APLF: variants seen among roughly 807,000 people sequenced by gnomAD.
APLF encodes the protein aprataxin and PNKP like factor.
APLF carries 61 observed loss-of-function variants against 55.6 expected under a neutral mutation model. That is an observed-to-expected ratio of 1.10 (90% CI 0.89 to 1.36). The LOEUF is 1.36. Among genes scored for constraint, APLF ranks in the 40% most tolerant of loss-of-function variants. APLF has a pLI of 0.00. For missense variants in APLF, 611 were observed against 602.5 expected (o/e 1.01, Z -0.15); for synonymous variants, 207 against 214.8 (o/e 0.96, Z 0.32).
At chr2:68,576,202 G>A (rs948087527) in intron 9 of APLF, among the ~76,000 whole-genome samples, 1 of 152,108 alleles carries the variant, frequency 6.6e-6, no homozygotes, top group African/African-American at 2.4e-5. Context: ...AAAGTTATGT[G>A]TATAAGGTAT....
At chr2:68,513,019 C>T in intron 3 of APLF, 61 bp from the exon 4 acceptor site, 3 of 1,478,664 alleles carry the variant, frequency 2.0e-6, no homozygotes, top group Non-Finnish European at 2.8e-6. Context: ...AGATGTAGTT[C>T]TAAGGCAGCA....
intron 6 of APLF, among the ~76,000 whole-genome samples, chr2:68,530,052 C>T (rs938320787): frequency 2.8e-4 from 42 of 152,222 alleles, no homozygotes; most frequent in Non-Finnish European, 2.9e-5. Context: ...CCTGACCTGA[C>T]TGGATGCACC....
At chr2:68,539,152 A>C (rs1017145809) in intron 7 of APLF, among the ~76,000 whole-genome samples, 1 of 152,224 alleles carries the variant, frequency 6.6e-6, no homozygotes, top group Non-Finnish European at 1.5e-5. Context: ...GCTTTTTGAA[A>C]CATTTTTGTA....
rs147530240 is a variant in APLF, at chr2:68,550,292, C to T, written c.1286+4980C>T. ...TCTTGTCTAGGCTGGGGTGCAGTGGCGCAATCTCGGCTCTCTGCAATCTCC... is the reference window on the plus strand; with the variant it reads ...TCTTGTCTAGGCTGGGGTGCAGTGGTGCAATCTCGGCTCTCTGCAATCTCC... On this transcript the variant is annotated intron_variant, in intron 8 of 9. Transcript: ENST00000303795. Among the ~76,000 whole-genome samples the T allele has an allele frequency of 1.2e-3, 190 of 152,132 alleles. 1 individual carries two copies. Among genetic ancestry groups the T allele is most frequent in the African/African-American group, 4.2e-3 (174 of 41,514 alleles).
intron 1 of APLF, among the ~76,000 whole-genome samples, chr2:68,482,892 G>A (rs953281356): frequency 2.6e-5 from 4 of 152,108 alleles, no homozygotes; most frequent in South Asian, 2.1e-4. Context: ...GTGCGTACCA[G>A]GGGTGGGCTG....
chr2:68,565,726 A>G (rs911006072), intron 8 of APLF, among the ~76,000 whole-genome samples: 4 of 152,134 alleles, frequency 2.6e-5, no homozygotes, highest in African/African-American at 9.7e-5. Context: ...TTTTTAAAGT[A>G]TAATTTTTAT....
chr2:68,559,114 T>G (rs1671097035), intron 8 of APLF, among the ~76,000 whole-genome samples: 1 of 152,178 alleles, frequency 6.6e-6, no homozygotes, highest in Non-Finnish European at 1.5e-5. Context: ...TAGCATGACT[T>G]TGCATCAGCT....
chr2:68,472,740 A>G (rs1005779990), intron 1 of APLF, among the ~76,000 whole-genome samples: 1 of 152,108 alleles, frequency 6.6e-6, no homozygotes, highest in African/African-American at 2.4e-5. Context: ...GCTCTAAGAT[A>G]TGGTGTGTTG....
In APLF at chr2:68,502,770, A is replaced by C; in HGVS notation, c.208A>C (p.Ser70Arg). The C allele has an allele frequency of 6.3e-7, 1 of 1,595,742 alleles. No homozygotes were observed. The highest frequency in any genetic ancestry group is 8.5e-7 in the Non-Finnish European group (1 of 1,174,252). The change falls in exon 3 of 10, where the codon AGT becomes CGT. Residue 70 changes from serine to arginine, a missense_variant. Ser to Arg is a moderately radical substitution (Grantham distance 110). Coordinates refer to ENST00000303795, the MANE Select transcript of APLF (RefSeq NM_173545.3). Reference protein sequence around the residue: ...NPCFYQSSEKSQLLPLKPNLW... With the variant: ...NPCFYQSSEKRQLLPLKPNLW... ...ATGTTTTTACCAGTCTTCAGAGAAG[A>C]GTCAGCTCTTACCATTGAAGCCAAA...
chr2:68,549,041 A>G (rs1670785578), intron 8 of APLF, among the ~76,000 whole-genome samples: 1 of 152,042 alleles, frequency 6.6e-6, no homozygotes, highest in Non-Finnish European at 1.5e-5. Flanking sequence ...AATATTATTC[A>G]ATATCCTGTC....
At chr2:68,487,366 A>G (rs1458230553) in intron 1 of APLF, among the ~76,000 whole-genome samples, 1 of 152,160 alleles carries the variant, frequency 6.6e-6, no homozygotes, top group African/African-American at 2.4e-5. Flanking sequence ...AAGAGCATGA[A>G]TGGTTCTGGA....
chr2:68,469,341 A>G (rs1014887798), intron 1 of APLF, among the ~76,000 whole-genome samples: 8 of 152,082 alleles, frequency 5.3e-5, no homozygotes, highest in Admixed American at 2.0e-4. Flanking sequence ...TAAAAGGTGG[A>G]TGAATTTTAG....
intron 1 of APLF, among the ~76,000 whole-genome samples, chr2:68,468,989 G>GGGGT (rs571326050): frequency 8.9e-5 from 13 of 146,662 alleles, no homozygotes; most frequent in East Asian, 6.0e-4. Flanking sequence ...GTCCTAAAGG[G>GGGGT]GTGTGTGTGT....
At chr2:68,532,100 A>AC (rs1298171411) in intron 6 of APLF, among the ~76,000 whole-genome samples, 2 of 152,062 alleles carry the variant, frequency 1.3e-5, no homozygotes, top group African/African-American at 4.8e-5. Flanking sequence ...GCCTTTCCAA[A>AC]CCCCACCCTC....
At chr2:68,472,747 G>A (rs1249553258) in intron 1 of APLF, among the ~76,000 whole-genome samples, 2 of 152,166 alleles carry the variant, frequency 1.3e-5, no homozygotes, top group African/African-American at 4.8e-5. Flanking sequence ...GATATGGTGT[G>A]TTGGATAATT....
chr2:68,513,296 C>A, intron 4 of APLF, 69 bp downstream of exon 4: 1 of 1,492,636 alleles, frequency 6.7e-7, no homozygotes, highest in Non-Finnish European at 9.0e-7. Context: ...GAAAAGACAA[C>A]TGAAATTAGG....
chr2:68,539,701 C>T (rs1670494172), intron 7 of APLF, among the ~76,000 whole-genome samples: 1 of 152,038 alleles, frequency 6.6e-6, no homozygotes, highest in South Asian at 2.1e-4. Context: ...ATTCAACATC[C>T]CATTTATGAA....
intron 7 of APLF, among the ~76,000 whole-genome samples, chr2:68,542,708 G>A (rs560642315): frequency 6.6e-6 from 1 of 152,240 alleles, no homozygotes; most frequent in East Asian, 1.9e-4. Flanking sequence ...CATTGTTGAT[G>A]GGAGTGTAAA....
At chr2:68,547,004 C>T (rs983847347) in intron 8 of APLF, among the ~76,000 whole-genome samples, 1 of 151,600 alleles carries the variant, frequency 6.6e-6, no homozygotes, top group Admixed American at 6.6e-5. Context: ...ACAAAGTGGC[C>T]CACTGATGAG....
Sources: allele counts gnomAD v4.1 joint callset (sites outside exome capture counted in the v4.1 genomes callset), GRCh38; gene constraint gnomAD v4.1.1; transcripts MANE v1.5; gene names NCBI Gene and HGNC (gene_info 2026-07-23, HGNC 2026-07-21).